The following FUT8 variants were observed in gnomAD, a reference collection of about 807,000 sequenced individuals.
FUT8 encodes alpha-(1,6)-fucosyltransferase.
In FUT8, 29 loss-of-function variants were observed where a neutral mutation model predicts 71.3. The ratio of observed to expected loss-of-function variants is 0.41; its 90% CI spans 0.30 to 0.55. The LOEUF (loss-of-function observed/expected upper bound fraction) is 0.55. Ranked by LOEUF, FUT8 falls within the 20% of genes least tolerant of loss-of-function variation. The pLI is 0.34. For synonymous variants in FUT8, 254 were observed against 239.3 expected, an observed-to-expected ratio of 1.06 and a Z score of -0.57; for missense variants, 544 against 702.1, an observed-to-expected ratio of 0.77 and a Z score of 2.55.
At chr14:65,534,964 G>A (rs1440513248) in intron 2 of FUT8, among the ~76,000 whole-genome samples, 1 of 150,742 alleles carries the variant, frequency 6.6e-6, no homozygotes, top group African/African-American at 2.4e-5. Flanking sequence ...GCTAGCTTTG[G>A]GATTGATTTG....
At chr14:65,563,377 G>C (rs915393286) in intron 3 of FUT8, among the ~76,000 whole-genome samples, 5 of 152,050 alleles carry the variant, frequency 3.3e-5, no homozygotes, top group Admixed American at 2.6e-4. Flanking sequence ...CCATTTTACA[G>C]ATTAACAATT....
At chr14:65,656,511 T>C (rs1212914388) in intron 6 of FUT8, among the ~76,000 whole-genome samples, 1 of 152,236 alleles carries the variant, frequency 6.6e-6, no homozygotes, top group African/African-American at 2.4e-5. Context: ...AGATATTCTA[T>C]GTTCATGGAT....
the FUT8 span, among the ~76,000 whole-genome samples, chr14:65,359,927 G>A: frequency 1.3e-5 from 2 of 152,246 alleles, no homozygotes; most frequent in African/African-American, 4.8e-5. Flanking sequence ...CCGCCTCCTG[G>A]GTTCAAGTCA....
chr14:65,569,816 G>T (rs1886381542), intron 3 of FUT8, among the ~76,000 whole-genome samples: 1 of 151,926 alleles, frequency 6.6e-6, no homozygotes, highest in African/African-American at 2.4e-5. Flanking sequence ...GCTTTTCTCT[G>T]TTGGAGATTG....
At chr14:65,538,922 AAAAACAAAAC>A (rs540779603) in intron 2 of FUT8, among the ~76,000 whole-genome samples, 5 of 152,100 alleles carry the variant, frequency 3.3e-5, no homozygotes, top group Non-Finnish European at 1.5e-5. Context: ...CTCTGTCTCA[AAAAACAAAAC>A]AAAACAAAAC....
At chr14:65,635,558 T>A (rs557429359) in intron 6 of FUT8, among the ~76,000 whole-genome samples, 11 of 152,346 alleles carry the variant, frequency 7.2e-5, no homozygotes, top group Middle Eastern at 3.4e-3. Context: ...TGCTGGATTT[T>A]GTTGAGTGCT....
intron 5 of FUT8, chr14:65,617,318 C>A: frequency 1.1e-5 from 11 of 1,040,342 alleles, no homozygotes; most frequent in Non-Finnish European, 1.2e-5. Context: ...ATTAATGAAT[C>A]TACAGAAATA....
At chr14:65,626,452 G>A (rs572181246) in intron 5 of FUT8, among the ~76,000 whole-genome samples, 8 of 152,248 alleles carry the variant, frequency 5.3e-5, no homozygotes, top group Middle Eastern at 3.4e-3. Flanking sequence ...TTGAGGAGAG[G>A]ACACATTATT....
At chr14:65,604,789 C>G (rs2140180321) in intron 3 of FUT8, among the ~76,000 whole-genome samples, 1 of 151,846 alleles carries the variant, frequency 6.6e-6, no homozygotes, top group Admixed American at 6.6e-5. Context: ...GAAACAAAAA[C>G]AATACAAAAG....
At position 65,483,907 on chromosome 14, in the gene FUT8, T is replaced by C. The variant is rs2066369759; in HGVS notation, c.-228+28189T>C. ...CACACCCAGCTAATTTTTGTATTTT[T>C]AATAGGGATGGGATTTCACCATCTT... On this transcript the variant is annotated intron_variant, in intron 2 of 10. Transcript: ENST00000673929. The surrounding 1 kb of genome is among the most constrained non-coding windows in gnomAD (Gnocchi z 4.4). 6.6e-6 allele frequency among the ~76,000 whole-genome samples: 1 copy of C among 152,074 alleles called. No individual in the cohort carries two copies. Among genetic ancestry groups the C allele is most frequent in the Admixed American group, 6.6e-5 (1 of 15,266 alleles).
intron 1 of FUT8, among the ~76,000 whole-genome samples, chr14:65,439,953 TGTATATATATATATATATA>T (rs1566748033): frequency 4.2e-5 from 2 of 47,240 alleles, no homozygotes; most frequent in Admixed American, 5.6e-4. Context: ...TGTGTGTGTG[TGTATATATATATATATATA>T]TATATATATA....
upstream of FUT8, among the ~76,000 whole-genome samples, chr14:65,409,762 G>C (rs1009872222): frequency 1.1e-4 from 16 of 152,144 alleles, no homozygotes; most frequent in African/African-American, 3.6e-4. This position sits in a 1 kb window ranked among gnomAD's most constrained non-coding sequence, Gnocchi z 5.4. Flanking sequence ...TTTGACCGAG[G>C]CTATATACAA....
Position 65,607,499 on chromosome 14 carries a change from T to G in FUT8, c.204-8479T>G, listed in dbSNP as rs1888647365. Among the ~76,000 whole-genome samples, 1 of 151,888 alleles carries G rather than the reference T, an allele frequency of 6.6e-6. No individual in the cohort carries two copies. Among genetic ancestry groups the G allele is most frequent in the African/African-American group, 2.4e-5 (1 of 41,418 alleles). On this transcript the variant is annotated intron_variant, in intron 3 of 10. Transcript: ENST00000673929. The surrounding 1 kb of genome is among the most constrained non-coding windows in gnomAD (Gnocchi z 4.1). ...TAATGTAATCAATTTAAATTAATAG[T>G]TTTTCTAATCGTAAACCAATGTAGT...
chr14:65,694,945 G>A (rs541386702), intron 7 of FUT8, among the ~76,000 whole-genome samples: 57 of 151,752 alleles, frequency 3.8e-4, no homozygotes, highest in Non-Finnish European at 7.4e-4. Flanking sequence ...CTAATGCTAA[G>A]TGACAAGTTA....
chr14:65,461,787 C>A (rs1391358380), intron 2 of FUT8, among the ~76,000 whole-genome samples: 3 of 152,180 alleles, frequency 2.0e-5, no homozygotes, highest in African/African-American at 7.2e-5. Context: ...GGGGCGGCAG[C>A]TGAGAAGATG....
intron 7 of FUT8, among the ~76,000 whole-genome samples, chr14:65,696,821 C>A (rs1249891050): frequency 6.6e-6 from 1 of 152,072 alleles, no homozygotes. Flanking sequence ...TTGGTCATAT[C>A]CAACCTACTA....
the FUT8 span, among the ~76,000 whole-genome samples, chr14:65,383,976 G>C: frequency 6.8e-6 from 1 of 146,734 alleles, no homozygotes; most frequent in Non-Finnish European, 1.5e-5. Flanking sequence ...CAGGCAGAGA[G>C]GGTGGCAGCC....
At chr14:65,391,034 T>G in the FUT8 span, among the ~76,000 whole-genome samples, 1 of 152,066 alleles carries the variant, frequency 6.6e-6, no homozygotes, top group African/African-American at 2.4e-5. Context: ...CCTAATTTCC[T>G]ATTCTTTGTG....
intron 9 of FUT8, among the ~76,000 whole-genome samples, chr14:65,726,237 G>T (rs2139366486): frequency 6.6e-6 from 1 of 152,312 alleles, no homozygotes; most frequent in East Asian, 1.9e-4. Flanking sequence ...TCTTTCACTT[G>T]TTCTGGAACG....
Sources: gnomAD v4.1 joint callset for allele counts (sites outside exome capture counted in the v4.1 genomes callset) on GRCh38, gnomAD v4.1.1 for gene constraint, Gnocchi (gnomAD v3.1) non-coding constraint, MANE v1.5 for transcripts, NCBI Gene and HGNC (gene_info 2026-07-23, HGNC 2026-07-21) for gene names.